Variants in STK32B observed in about 807,000 individuals in gnomAD.
STK32B encodes the protein serine/threonine kinase 32B.
A neutral mutation model predicts 52.6 loss-of-function variants in STK32B; 43 were observed. The observed-to-expected ratio is 0.82, with a 90% CI of 0.64 to 1.05. The LOEUF is 1.05. Among genes scored for constraint, STK32B ranks in the 50% least tolerant of loss-of-function variants. The pLI is 0.00. For synonymous variants in STK32B, 238 were observed against 204.3 expected, an observed-to-expected ratio of 1.17 and a Z score of -1.41; for missense variants, 621 against 534.6, an observed-to-expected ratio of 1.16 and a Z score of -1.59.
chr4:5,323,967 C>A (rs1296485211), intron 3 of STK32B, among the ~76,000 whole-genome samples: 3 of 152,244 alleles, frequency 2.0e-5, no homozygotes, highest in African/African-American at 7.2e-5. Flanking sequence ...GTTACTTAAT[C>A]TCTCTGAACC....
intron 3 of STK32B, among the ~76,000 whole-genome samples, chr4:5,213,130 A>G (rs959728121): frequency 7.2e-5 from 11 of 152,058 alleles, no homozygotes; most frequent in South Asian, 2.1e-4. Context: ...ATTGCTTTTC[A>G]CTGTGATTTA....
intron 3 of STK32B, among the ~76,000 whole-genome samples, chr4:5,236,355 A>G (rs1277075919): frequency 6.6e-6 from 1 of 152,090 alleles, no homozygotes; most frequent in Non-Finnish European, 1.5e-5. Flanking sequence ...AAACTTACTT[A>G]AAAAACTTAA....
At chr4:5,053,866 C>T (rs1457062562) in intron 1 of STK32B, among the ~76,000 whole-genome samples, 2 of 152,062 alleles carry the variant, frequency 1.3e-5, no homozygotes, top group South Asian at 2.1e-4. Flanking sequence ...GTAATCCCAG[C>T]TACTCAGGAG....
chr4:5,461,957 G>A (rs981878751), intron 9 of STK32B, among the ~76,000 whole-genome samples: 2 of 152,214 alleles, frequency 1.3e-5, no homozygotes, highest in Non-Finnish European at 2.9e-5. Flanking sequence ...CAGGCCATGG[G>A]GACAAAGTGT....
chr4:5,305,003 T>C (rs929458000), intron 3 of STK32B, among the ~76,000 whole-genome samples: 15 of 152,258 alleles, frequency 9.9e-5, no homozygotes, highest in African/African-American at 3.6e-4. Flanking sequence ...TTGACTTACA[T>C]ATGTGAAATC....
intron 5 of STK32B, among the ~76,000 whole-genome samples, chr4:5,414,127 C>G (rs759225164): frequency 1.3e-5 from 2 of 152,150 alleles, no homozygotes; most frequent in African/African-American, 2.4e-5. Flanking sequence ...TTGTATGATA[C>G]AGACATCCTA....
intron 6 of STK32B, among the ~76,000 whole-genome samples, chr4:5,445,721 C>A (rs1210374752): frequency 6.6e-6 from 1 of 152,174 alleles, no homozygotes; most frequent in East Asian, 1.9e-4. Flanking sequence ...GCATTCAGTA[C>A]ATTCACAATG....
chr4:5,036,404 T>C, the STK32B span, among the ~76,000 whole-genome samples: 3 of 152,176 alleles, frequency 2.0e-5, no homozygotes, highest in South Asian at 2.1e-4. Context: ...GTTCTGATTA[T>C]GCAAATTGGG....
intron 5 of STK32B, among the ~76,000 whole-genome samples, chr4:5,413,216 G>A (rs1028352523): frequency 6.6e-6 from 1 of 152,190 alleles, no homozygotes; most frequent in Non-Finnish European, 1.5e-5. Context: ...GAGGCTTTCA[G>A]AGCTTAAATA....
chr4:5,365,130 C>A (rs7667238), intron 4 of STK32B, among the ~76,000 whole-genome samples: 8,870 of 151,956 alleles, frequency 0.058, 745 homozygotes, highest in African/African-American at 0.19. Context: ...CCCACCTCGG[C>A]CCCCCCAAAG....
the STK32B span, among the ~76,000 whole-genome samples, chr4:5,043,746 C>G: frequency 6.6e-6 from 1 of 152,226 alleles, no homozygotes; most frequent in Non-Finnish European, 1.5e-5. Context: ...TCGGTGCACA[C>G]GGCATTTCTC....
intron 4 of STK32B, among the ~76,000 whole-genome samples, chr4:5,350,091 C>T (rs1733730132): frequency 6.6e-6 from 1 of 152,122 alleles, no homozygotes; most frequent in Non-Finnish European, 1.5e-5. Flanking sequence ...TCTAGCAAGA[C>T]ATTTAGACAT....
intron 3 of STK32B, among the ~76,000 whole-genome samples, chr4:5,178,254 C>T (rs1303819545): frequency 6.6e-6 from 1 of 152,246 alleles, no homozygotes; most frequent in Non-Finnish European, 1.5e-5. Context: ...TGTAAGCCAC[C>T]AAGGCTTGGG....
chr4:5,186,899 G>A (rs963565767), intron 3 of STK32B, among the ~76,000 whole-genome samples: 3 of 152,194 alleles, frequency 2.0e-5, no homozygotes, highest in Non-Finnish European at 2.9e-5. Flanking sequence ...ACATGAGTTT[G>A]TTATTCTTCA....
chr4:5,244,230 GC>G (rs1738208542), intron 3 of STK32B, among the ~76,000 whole-genome samples: 1 of 151,712 alleles, frequency 6.6e-6, no homozygotes, highest in Non-Finnish European at 1.5e-5. Context: ...TGGTTGGTAA[GC>G]TATTATTGCC....
intron 6 of STK32B, among the ~76,000 whole-genome samples, chr4:5,432,570 C>CATGAAT (rs71169695): frequency 0.17 from 25,839 of 151,378 alleles, 2,653 homozygotes; most frequent in East Asian, 0.47. Context: ...AATAGGAGTT[C>CATGAAT]ATGAATATGA....
intron 9 of STK32B, among the ~76,000 whole-genome samples, chr4:5,464,438 A>T (rs563531837): frequency 1.4e-4 from 22 of 152,198 alleles, no homozygotes; most frequent in African/African-American, 5.1e-4. Flanking sequence ...TGGTGAGAAC[A>T]CTCTGTCGCA....
chr4:5,434,369 T>C (rs1462983109), intron 6 of STK32B, among the ~76,000 whole-genome samples: 1 of 152,012 alleles, frequency 6.6e-6, no homozygotes, highest in Non-Finnish European at 1.5e-5. Flanking sequence ...CTAAGAGTGT[T>C]TATGAACGTC....
At chr4:5,045,923 GC>G in the STK32B span, among the ~76,000 whole-genome samples, 1 of 152,042 alleles carries the variant, frequency 6.6e-6, no homozygotes, top group African/African-American at 2.4e-5. Context: ...GATTGCCCTG[GC>G]CAGAACTTCC....
Sources: allele counts gnomAD v4.1 joint callset (sites outside exome capture counted in the v4.1 genomes callset), GRCh38; gene constraint gnomAD v4.1.1; transcripts MANE v1.5; gene names NCBI Gene and HGNC (gene_info 2026-07-23, HGNC 2026-07-21).